TSPOAP1: variants seen among roughly 807,000 people sequenced by gnomAD.
TSPOAP1 encodes TSPO associated protein 1, also known as peripheral-type benzodiazepine receptor-associated protein 1.
A neutral mutation model predicts 197.0 loss-of-function variants in TSPOAP1; 87 were observed. The observed-to-expected ratio is 0.44, with a 90% CI of 0.37 to 0.53. The LOEUF (loss-of-function observed/expected upper bound fraction) is 0.53, where lower values mean the gene tolerates loss of function less well. Among genes scored for constraint, TSPOAP1 ranks in the 20% least tolerant of loss-of-function variants. The probability of loss-of-function intolerance (pLI) is 0.00; values close to 1 mark genes in which losing one functional copy is unlikely to be tolerated. For missense variants in TSPOAP1, 2,174 were observed against 2,411.3 expected, an observed-to-expected ratio of 0.90 and a Z score of 2.06; for synonymous variants, 913 against 998.9, an observed-to-expected ratio of 0.91 and a Z score of 1.62.
At position 58,307,945 on chromosome 17, in the gene TSPOAP1, C is replaced by T. The variant is rs1012700151; in HGVS notation, c.4732-4G>A. Reference sequence around the variant, plus strand: ...TGGCCTCTCCGGTCTCTGTTGCCTGCAAAAAGAGGGCAACAGATGGCAAAA... The same window carrying T: ...TGGCCTCTCCGGTCTCTGTTGCCTGTAAAAAGAGGGCAACAGATGGCAAAA... On this transcript the variant is annotated splice_region_variant and splice_polypyrimidine_tract_variant and intron_variant, in intron 22 of 31. Transcript: ENST00000343736. The T allele has an allele frequency of 2.8e-5, 45 of 1,606,608 alleles. No homozygotes were observed. The highest frequency in any genetic ancestry group is 3.7e-5 in the Non-Finnish European group (44 of 1,177,158).
chr17:58,317,741 G>C (rs1027508554), intron 14 of TSPOAP1, among the ~76,000 whole-genome samples: 1 of 152,156 alleles, frequency 6.6e-6, no homozygotes, highest in East Asian at 1.9e-4. Context: ...CAGCTGCCCC[G>C]TGTTGAGCAC....
rs1598050717 is a variant in TSPOAP1 at position 58,301,541 on chromosome 17, A to G, written c.*939T>C. On this transcript the variant is annotated 3_prime_UTR_variant, in exon 32 of 32. Coordinates refer to ENST00000343736, the MANE Select transcript of TSPOAP1 (RefSeq NM_004758.4). ...AACTATGCAAAAGAACTTGAATCCA[A>G]TGAGCAAAATAAGGCAAACCCAACT... 1 of 152,716 alleles carries G rather than the reference A, an allele frequency of 6.5e-6. No individual in the cohort carries two copies. Among genetic ancestry groups the G allele is most frequent in the Admixed American group, 6.5e-5 (1 of 15,290 alleles). The allele number at this position is 152,716 out of a possible 1,614,324, so 9.5% of individuals were successfully genotyped here. A position where few individuals can be genotyped will look rare whatever the true frequency, so the allele number is the denominator to read the frequency against.
At chr17:58,311,500 G>C (rs1018393595) in intron 18 of TSPOAP1, 71 bp downstream of exon 18, 15 of 1,509,552 alleles carry the variant, frequency 9.9e-6, no homozygotes, top group Non-Finnish European at 1.2e-5. Flanking sequence ...CCAAGCCAGA[G>C]AGCCTAGACC....
rs1180221446 is a variant in TSPOAP1, at chr17:58,322,297, T to C, written c.1422+11A>G. On this transcript the variant is annotated intron_variant, in intron 10 of 31. Coordinates refer to ENST00000343736, the MANE Select transcript of TSPOAP1 (RefSeq NM_004758.4). The surrounding 1 kb of genome is among the most constrained non-coding windows in gnomAD (Gnocchi z 5.0). Reference sequence around the variant, plus strand: ...CCAGCAGCCTGCCAGCTTCCCTCACTGCCGCCCCACCTGCTGCAGTCTCCG... The same window carrying C: ...CCAGCAGCCTGCCAGCTTCCCTCACCGCCGCCCCACCTGCTGCAGTCTCCG... The C allele has an allele frequency of 2.5e-6, 4 of 1,601,194 alleles. No homozygotes were observed. Among genetic ancestry groups the C allele is most frequent in the Non-Finnish European group, 3.4e-6 (4 of 1,179,380 alleles).
intron 14 of TSPOAP1, among the ~76,000 whole-genome samples, chr17:58,317,188 C>T (rs1438456854): frequency 6.6e-6 from 1 of 151,946 alleles, no homozygotes. Context: ...AGAGCGAGGC[C>T]CTGTCTAAAA....
chr17:58,316,398 A>G (rs199640587), intron 15 of TSPOAP1, 27 bp downstream of exon 15: 3 of 1,579,456 alleles, frequency 1.9e-6, no homozygotes, highest in East Asian at 4.5e-5. Flanking sequence ...GGGCTGGGCT[A>G]GGGGGCAGTG....
chr17:58,320,170 A>G, intron 11 of TSPOAP1, 41 bp from the exon 12 acceptor site: 1 of 1,613,782 alleles, frequency 6.2e-7, no homozygotes, highest in Non-Finnish European at 8.5e-7. Flanking sequence ...TAGAACCCTG[A>G]GCGCTGTGGG....
chr17:58,318,518 T>A, intron 13 of TSPOAP1, 66 bp from the exon 14 acceptor site: 1 of 1,495,678 alleles, frequency 6.7e-7, no homozygotes, highest in Non-Finnish European at 9.0e-7. Flanking sequence ...GATAGGGTGG[T>A]GCTTCTTGGA....
At position 58,312,266 on chromosome 17, in the gene TSPOAP1, G is replaced by A. The variant is rs1971097387; in HGVS notation, c.2555C>T (p.Ala852Val). The change falls in exon 17 of 32, where the codon GCC becomes GTC. Residue 852 changes from alanine (A) to valine (V), a missense_variant. Coordinates refer to ENST00000343736, the MANE Select transcript of TSPOAP1 (RefSeq NM_004758.4). ...CTGGACAGAAATGTGAAGGGGCCCG[G>A]CCCACAGGTCCAGGTTCTCCAGCAC... ...KAVLENLDLW[A>V]GPLHISVQAL... 6.2e-7 allele frequency: 1 copy of A among 1,612,512 alleles called. No homozygotes were observed. Among genetic ancestry groups the A allele is most frequent in the African/African-American group, 1.3e-5 (1 of 74,924 alleles).
rs778946527 is a variant in TSPOAP1, at chr17:58,319,292, G to A, written c.1497C>T (p.Ala499=). The change falls in exon 13 of 32, where the codon GCC becomes GCT. Residue 499 remains alanine, a splice_region_variant and synonymous_variant. Coordinates refer to ENST00000343736, the MANE Select transcript of TSPOAP1 (RefSeq NM_004758.4). ...LLESTLDSMQ[A]RVRELEEQCR... ...ACTGTTCTTCGAGCTCTCGAACCCG[G>A]GCCTGGGCCAAGACCCACCATGAGC... The A allele has an allele frequency of 5.1e-6, 8 of 1,572,918 alleles. No individual in the cohort carries two copies. In the South Asian group the frequency reaches 7.0e-5, roughly 14 times the overall value.
intron 18 of TSPOAP1, 138 bp downstream of exon 18, chr17:58,311,433 T>A: frequency 7.5e-7 from 1 of 1,332,584 alleles, no homozygotes; most frequent in Non-Finnish European, 1.0e-6. Context: ...CCAAAGCCCA[T>A]GCTCTTAACC....
chr17:58,318,519 G>T, intron 13 of TSPOAP1, 67 bp from the exon 14 acceptor site: 1 of 1,488,046 alleles, frequency 6.7e-7, no homozygotes, highest in Non-Finnish European at 9.1e-7. Flanking sequence ...ATAGGGTGGT[G>T]CTTCTTGGAT....
Position 58,309,843 on chromosome 17 carries a change from G to A in TSPOAP1, c.3891+124C>T. On this transcript the variant is annotated intron_variant, in intron 21 of 31. Transcript: ENST00000343736. This position sits in a 1 kb window ranked among gnomAD's most constrained non-coding sequence, Gnocchi z 5.0. The stretch of plus-strand genomic sequence containing the variant: ...ACTTCCTATCTTCTGCTTAGGACAG[G>A]GCCCAGGCCACAGACCTAGAATGTT... 3 of 1,301,108 alleles carry A rather than the reference G, an allele frequency of 2.3e-6. No homozygotes were observed. The South Asian group carries it at 4.3e-5, about 18-fold the overall frequency. 80.6% of individuals were successfully genotyped at this position (1,301,108 alleles called of 1,614,324 possible).
In TSPOAP1 at chr17:58,322,744, C is replaced by G; in HGVS notation, c.1227G>C (p.Gln409His). 1 of 1,612,962 alleles carries G rather than the reference C, an allele frequency of 6.2e-7. No homozygotes were observed. Among genetic ancestry groups the G allele is most frequent in the East Asian group, 2.2e-5 (1 of 44,878 alleles). Residue 409 changes from glutamine to histidine, a missense_variant, in exon 9 of 32, where the codon CAG (glutamine) becomes CAC (histidine). Transcript: ENST00000343736. The surrounding 1 kb of genome is among the most constrained non-coding windows in gnomAD (Gnocchi z 5.0). The part of the protein sequence containing the change: ...VEWENAELRG[Q>H]LLGVTQERDS... ...CCCTCTCCTGTGTCACCCCCAGGAGCTGGCCCCTCAGCTCCGCATTCTCCC... is the reference window on the plus strand; with the variant it reads ...CCCTCTCCTGTGTCACCCCCAGGAGGTGGCCCCTCAGCTCCGCATTCTCCC...
intron 10 of TSPOAP1, chr17:58,321,981 C>T (rs1971417072): frequency 6.5e-6 from 2 of 308,446 alleles, no homozygotes; most frequent in South Asian, 1.4e-4. Context: ...TGCCACAGAG[C>T]ATGTGCATGT....
chr17:58,313,960 A>T (rs1198430440), intron 16 of TSPOAP1, among the ~76,000 whole-genome samples: 1 of 152,186 alleles, frequency 6.6e-6, no homozygotes, highest in Non-Finnish European at 1.5e-5. Context: ...TGTTTGATTG[A>T]GGGATGTCAA....
In TSPOAP1 at chr17:58,304,693, G is replaced by A. The variant is rs1970822010; in HGVS notation, c.5545-294C>T. Reference sequence around the variant, plus strand: ...ACTGGCTTCCAAAGGCACCTGGGAGGTATGGAGACCACCCCCAGGGTGGGA... The same window carrying A: ...ACTGGCTTCCAAAGGCACCTGGGAGATATGGAGACCACCCCCAGGGTGGGA... On this transcript the variant is annotated intron_variant, in intron 30 of 31. Coordinates refer to ENST00000343736, the MANE Select transcript of TSPOAP1 (RefSeq NM_004758.4). This position sits in a 1 kb window ranked among gnomAD's most constrained non-coding sequence, Gnocchi z 4.2. The A allele has an allele frequency of 1.8e-6, 1 of 571,128 alleles. No individual in the cohort carries two copies. Among genetic ancestry groups the A allele is most frequent in the Non-Finnish European group, 3.1e-6 (1 of 317,742 alleles). The allele number at this position is 571,128 out of a possible 1,614,324, so 35.4% of individuals were successfully genotyped here. A position where few individuals can be genotyped will look rare whatever the true frequency, so the allele number is the denominator to read the frequency against.
chr17:58,324,750 G>A lies in TSPOAP1; in HGVS notation c.942+61C>T, dbSNP rs1161673486. The A allele has an allele frequency of 1.2e-4, 161 of 1,345,176 alleles. No individual in the cohort carries two copies. The highest frequency in any genetic ancestry group is 5.2e-5 in the Non-Finnish European group (53 of 1,022,128). 83.3% of individuals were successfully genotyped at this position (1,345,176 alleles called of 1,614,324 possible). ...TGAGCACGGTGCAGGGGAGATCCCGGTGGTCGTTCCCCCCACCCATCTGCA... is the reference window on the plus strand; with the variant it reads ...TGAGCACGGTGCAGGGGAGATCCCGATGGTCGTTCCCCCCACCCATCTGCA... On this transcript the variant is annotated intron_variant, in intron 5 of 31. Coordinates refer to ENST00000343736, the MANE Select transcript of TSPOAP1 (RefSeq NM_004758.4). The surrounding 1 kb of genome is among the most constrained non-coding windows in gnomAD (Gnocchi z 5.8).
chr17:58,306,479 A>G, intron 25 of TSPOAP1, 66 bp from the exon 26 acceptor site: 3 of 1,421,622 alleles, frequency 2.1e-6, no homozygotes, highest in African/African-American at 2.8e-5. Context: ...GGGACTCTGG[A>G]GTTTCCTCTC....
Sources: allele counts gnomAD v4.1 joint callset (sites outside exome capture counted in the v4.1 genomes callset), GRCh38; gene constraint gnomAD v4.1.1; non-coding constraint Gnocchi (gnomAD v3.1); transcripts MANE v1.5; gene names NCBI Gene and HGNC (gene_info 2026-07-23, HGNC 2026-07-21).